The following GRIK4 variants were observed in gnomAD, a reference collection of about 807,000 sequenced individuals.
GRIK4 encodes the protein glutamate receptor ionotropic, kainate 4.
In GRIK4, 40 loss-of-function variants were observed where a neutral mutation model predicts 104.9. The ratio of observed to expected loss-of-function variants is 0.38; its 90% CI spans 0.30 to 0.50. GRIK4 has a LOEUF of 0.50. GRIK4 is among the 20% of genes least tolerant of loss of function. GRIK4 has a pLI of 0.93. For missense variants in GRIK4, 1,047 were observed against 1,308.1 expected (o/e 0.80, Z 3.08); for synonymous variants, 485 against 524.9 (o/e 0.92, Z 1.04).
chr11:120,597,652 G>T (rs776909651), intron 1 of GRIK4, among the ~76,000 whole-genome samples: 9 of 152,230 alleles, frequency 5.9e-5, no homozygotes, highest in Non-Finnish European at 1.2e-4. Flanking sequence ...GATCCGTGGG[G>T]GTCCTGAGGT....
chr11:120,959,452 T>C (rs1183964426), intron 16 of GRIK4, among the ~76,000 whole-genome samples: 1 of 152,244 alleles, frequency 6.6e-6, no homozygotes, highest in African/African-American at 2.4e-5. Flanking sequence ...TTCTGTGTGT[T>C]AATCACTATG....
intron 14 of GRIK4, among the ~76,000 whole-genome samples, chr11:120,948,250 A>G (rs748801364): frequency 6.6e-6 from 1 of 152,204 alleles, no homozygotes; most frequent in Non-Finnish European, 1.5e-5. Flanking sequence ...ATCACAAGCA[A>G]CCTTTCTATA....
chr11:120,851,280 C>T (rs1476502364), intron 8 of GRIK4, among the ~76,000 whole-genome samples: 1 of 152,130 alleles, frequency 6.6e-6, no homozygotes, highest in African/African-American at 2.4e-5. Context: ...ACTTGCAGGT[C>T]CCTGAATCTG....
intron 3 of GRIK4, among the ~76,000 whole-genome samples, chr11:120,761,235 A>G (rs529833991): frequency 7.2e-5 from 11 of 152,304 alleles, no homozygotes; most frequent in Non-Finnish European, 1.5e-4. Context: ...TGTTGGCCAC[A>G]TAAATGTCTT....
At chr11:120,781,790 GT>G (rs1485864154) in intron 3 of GRIK4, among the ~76,000 whole-genome samples, 1 of 152,182 alleles carries the variant, frequency 6.6e-6, no homozygotes, top group Non-Finnish European at 1.5e-5. Context: ...TTTGGGCTAG[GT>G]TTAGAACCCT....
intron 1 of GRIK4, among the ~76,000 whole-genome samples, chr11:120,605,609 T>C (rs1948950415): frequency 6.6e-6 from 1 of 152,226 alleles, no homozygotes; most frequent in Non-Finnish European, 1.5e-5. Flanking sequence ...GGGTTGTGGT[T>C]CTACCTTGTG....
In GRIK4 at chr11:120,881,305, C is replaced by T. The variant is rs564175400; in HGVS notation, c.1164+6062C>T. ...GGGCCTTGGGATCAATTAATTATTC[C>T]ACTTGCCTTTCTCCCACCAGGTACA... On this transcript the variant is annotated intron_variant, in intron 11 of 20. Coordinates refer to ENST00000527524, the MANE Select transcript of GRIK4 (RefSeq NM_014619.5). 3.4e-4 allele frequency among the ~76,000 whole-genome samples: 51 copies of T among 152,238 alleles called. 2 individuals carry two copies. In the South Asian group the frequency reaches 0.01, roughly 31 times the overall value.
intron 14 of GRIK4, among the ~76,000 whole-genome samples, chr11:120,951,749 G>A (rs895940908): frequency 6.6e-6 from 1 of 152,184 alleles, no homozygotes; most frequent in African/African-American, 2.4e-5. Context: ...GTCTCCAGTG[G>A]GCAGCCCACA....
At chr11:120,635,729 G>A (rs1949389169) in intron 1 of GRIK4, among the ~76,000 whole-genome samples, 1 of 152,196 alleles carries the variant, frequency 6.6e-6, no homozygotes, top group Non-Finnish European at 1.5e-5. Flanking sequence ...AGGGCGTACA[G>A]GATAAGCATG....
rs141800224 is a variant in GRIK4 at position 120,555,203 on chromosome 11, G to A, written c.-159+43316G>A. Among the ~76,000 whole-genome samples the A allele has an allele frequency of 3.9e-5, 6 of 152,308 alleles. No individual in the cohort carries two copies. Among genetic ancestry groups the A allele is most frequent in the East Asian group, 1.9e-4 (1 of 5,176 alleles). ...AGGCTTAACTCCTGCAAATGGAGGC[G>A]GCATGCCCCAGAGAGCCCTATGCTT... is the stretch of plus-strand genomic sequence containing the variant. On this transcript the variant is annotated intron_variant, in intron 1 of 20. Coordinates refer to ENST00000527524, the MANE Select transcript of GRIK4 (RefSeq NM_014619.5). This position sits in a 1 kb window ranked among gnomAD's most constrained non-coding sequence, Gnocchi z 5.3.
chr11:120,781,886 C>T (rs1251801515), intron 3 of GRIK4, among the ~76,000 whole-genome samples: 1 of 152,174 alleles, frequency 6.6e-6, no homozygotes, highest in Admixed American at 6.5e-5. Context: ...GTCCCTGCTC[C>T]CTGTGCCTCC....
At chr11:120,535,011 A>G (rs2136083704) in intron 1 of GRIK4, among the ~76,000 whole-genome samples, 1 of 152,354 alleles carries the variant, frequency 6.6e-6, no homozygotes, top group East Asian at 1.9e-4. Flanking sequence ...TACTCCCTGC[A>G]GTAAGCTGGC....
intron 1 of GRIK4, among the ~76,000 whole-genome samples, chr11:120,584,679 T>A (rs947417523): frequency 6.6e-6 from 1 of 152,210 alleles, no homozygotes. Flanking sequence ...TCAAGTGAGA[T>A]TTGGGCAGGA....
At chr11:120,654,183 T>C (rs1324253777) in intron 2 of GRIK4, among the ~76,000 whole-genome samples, 1 of 152,200 alleles carries the variant, frequency 6.6e-6, no homozygotes, top group Non-Finnish European at 1.5e-5. Context: ...CTGGGATTTG[T>C]GATTGCATAT....
At position 120,802,742 on chromosome 11, in the gene GRIK4, C is replaced by T. The variant is rs184718356; in HGVS notation, c.132C>T (p.Ser44=). ...PMECSRGERL[S]ITLAKNRINR... The stretch of plus-strand genomic sequence containing the variant: ...AGTGCAGCAGAGGGGAGCGGCTCTC[C>T]ATCACCCTGGCCAAGAACCGCATCA... The change falls in exon 4 of 21, where the codon TCC becomes TCT. Residue 44 remains serine, a synonymous_variant. Coordinates refer to ENST00000527524, the MANE Select transcript of GRIK4 (RefSeq NM_014619.5). 1.2e-5 allele frequency: 19 copies of T among 1,614,176 alleles called. No individual in the cohort carries two copies. The highest frequency in any genetic ancestry group is 4.0e-5 in the African/African-American group (3 of 75,060).
chr11:120,749,787 A>G (rs1343021243), intron 3 of GRIK4, among the ~76,000 whole-genome samples: 1 of 152,196 alleles, frequency 6.6e-6, no homozygotes, highest in East Asian at 1.9e-4. Flanking sequence ...GACTCCACAG[A>G]AGGACTGATG....
rs1565479207 is a variant in GRIK4 at position 120,987,186 on chromosome 11, CACAAAGTA to C, written c.*927_*934del. On this transcript the variant is annotated 3_prime_UTR_variant, in exon 21 of 21. Coordinates refer to ENST00000527524, the MANE Select transcript of GRIK4 (RefSeq NM_014619.5). ...ACAGACAGGGGAGGAGAACAGAATG[CACAAAGTA>C]TCCTAGGACTTTGTTTAAGGAGCGG... is the stretch of plus-strand genomic sequence containing the variant. 6.6e-6 allele frequency: 1 copy of C among 152,202 alleles called. No individual in the cohort carries two copies. The allele number at this position is 152,202 out of a possible 1,614,324, so 9.4% of individuals were successfully genotyped here.
intron 1 of GRIK4, among the ~76,000 whole-genome samples, chr11:120,541,858 G>T (rs918554026): frequency 6.6e-6 from 1 of 151,920 alleles, no homozygotes; most frequent in Non-Finnish European, 1.5e-5. Flanking sequence ...TGGATTAGAA[G>T]AATTAATATT....
chr11:120,696,792 CGCCCCCTAGAGG>C (rs954958415), intron 3 of GRIK4, among the ~76,000 whole-genome samples: 1 of 152,060 alleles, frequency 6.6e-6, no homozygotes, highest in Admixed American at 6.5e-5. Context: ...CCAATGGGAG[CGCCCCCTAGAGG>C]GCCAGGGCTC....
Sources: gnomAD v4.1 joint callset for allele counts (sites outside exome capture counted in the v4.1 genomes callset) on GRCh38, gnomAD v4.1.1 for gene constraint, Gnocchi (gnomAD v3.1) non-coding constraint, MANE v1.5 for transcripts, NCBI Gene and HGNC (gene_info 2026-07-23, HGNC 2026-07-21) for gene names.